DLG2: variants seen among roughly 807,000 people sequenced by gnomAD.
DLG2 encodes discs large MAGUK scaffold protein 2, also known as disks large homolog 2.
DLG2 carries 45 observed loss-of-function variants against 132.5 expected under a neutral mutation model. The observed-to-expected ratio is 0.34, with a 90% CI of 0.27 to 0.44. The LOEUF (loss-of-function observed/expected upper bound fraction) is 0.44. Among genes scored for constraint, DLG2 ranks in the 20% least tolerant of loss-of-function variants. The probability of loss-of-function intolerance (pLI) is 1.00; values close to 1 mark genes in which losing one functional copy is unlikely to be tolerated. For synonymous variants in DLG2, 424 were observed against 419.6 expected (o/e 1.01, Z -0.13); for missense variants, 1,045 against 1,196.9 (o/e 0.87, Z 1.87).
intron 6 of DLG2, among the ~76,000 whole-genome samples, chr11:84,881,055 G>A (rs1404130466): frequency 6.6e-6 from 1 of 151,964 alleles, no homozygotes; most frequent in Non-Finnish European, 1.5e-5. Context: ...TAAGACTGTA[G>A]CATATTGTAA....
intron 7 of DLG2, among the ~76,000 whole-genome samples, chr11:84,368,281 C>A (rs1746851236): frequency 1.3e-5 from 2 of 151,922 alleles, no homozygotes; most frequent in South Asian, 2.1e-4. Flanking sequence ...CTTATTTTAG[C>A]TTTTTTTTCC....
chr11:84,845,299 G>A (rs1759926965), intron 6 of DLG2, among the ~76,000 whole-genome samples: 1 of 152,008 alleles, frequency 6.6e-6, no homozygotes, highest in Non-Finnish European at 1.5e-5. Flanking sequence ...TTACTTCCTA[G>A]GATTATGAAT....
At chr11:83,837,743 A>G (rs998628988) in intron 16 of DLG2, among the ~76,000 whole-genome samples, 1 of 150,330 alleles carries the variant, frequency 6.7e-6, no homozygotes, top group Admixed American at 6.6e-5. Flanking sequence ...AAAAAAAAAA[A>G]AAAAGAAAAG....
At chr11:84,665,235 T>C (rs1013554309) in intron 6 of DLG2, among the ~76,000 whole-genome samples, 7 of 152,166 alleles carry the variant, frequency 4.6e-5, no homozygotes, top group Non-Finnish European at 7.4e-5. Context: ...TATAATAGTA[T>C]TGATGGAGCT....
intron 22 of DLG2, among the ~76,000 whole-genome samples, chr11:83,482,672 G>GA (rs1036249310): frequency 2.2e-4 from 33 of 150,820 alleles, no homozygotes; most frequent in East Asian, 9.7e-4. Flanking sequence ...CCGCAAGTCA[G>GA]AAAAAAAAAT....
intron 4 of DLG2, among the ~76,000 whole-genome samples, chr11:85,200,997 G>A (rs1055589432): frequency 1.3e-5 from 2 of 151,786 alleles, no homozygotes; most frequent in Admixed American, 6.6e-5. Context: ...GCTCCTCATG[G>A]CTAATGAGAA....
At position 84,976,824 on chromosome 11, in the gene DLG2, T is replaced by C. The variant is rs1044939833; in HGVS notation, c.357+134837A>G. On this transcript the variant is annotated intron_variant, in intron 6 of 27. Coordinates refer to ENST00000376104, the MANE Select transcript of DLG2 (RefSeq NM_001142699.3). Reference sequence around the variant, plus strand: ...TACTAACAGCAATACTCTTACAATTTTTCTATATTTTAATCGATTCTAAGG... The same window carrying C: ...TACTAACAGCAATACTCTTACAATTCTTCTATATTTTAATCGATTCTAAGG... Among the ~76,000 whole-genome samples, 5 of 152,150 alleles carry C rather than the reference T, an allele frequency of 3.3e-5. No homozygotes were observed. The East Asian group carries it at 9.6e-4, about 29-fold the overall frequency.
chr11:85,249,000 T>C (rs920787264), intron 4 of DLG2, among the ~76,000 whole-genome samples: 2 of 152,084 alleles, frequency 1.3e-5, no homozygotes, highest in Non-Finnish European at 2.9e-5. Context: ...AATCATTTGA[T>C]GGGGAGAGCA....
intron 22 of DLG2, among the ~76,000 whole-genome samples, chr11:83,477,558 A>G (rs1238320460): frequency 6.6e-6 from 1 of 152,256 alleles, no homozygotes. Flanking sequence ...GTGTAACTCC[A>G]GGATACAGTG....
At chr11:84,004,274 T>G (rs1374885780) in intron 11 of DLG2, among the ~76,000 whole-genome samples, 2 of 152,154 alleles carry the variant, frequency 1.3e-5, no homozygotes, top group Non-Finnish European at 2.9e-5. Context: ...GATGCAAGAA[T>G]GGTTTTACAT....
At position 84,294,992 on chromosome 11, in the gene DLG2, CA is replaced by C. The variant is rs1298525807; in HGVS notation, c.520-43702del. On this transcript the variant is annotated intron_variant, in intron 7 of 27. Coordinates refer to ENST00000376104, the MANE Select transcript of DLG2 (RefSeq NM_001142699.3). ...GAAAACTATATTGTTTTTACTTCAT[CA>C]TTAAACATATTAAATTTCCAGAAAA... is the stretch of plus-strand genomic sequence containing the variant. Among the ~76,000 whole-genome samples the C allele has an allele frequency of 2.0e-5, 3 of 152,154 alleles. No individual in the cohort carries two copies. The East Asian group carries it at 5.8e-4, about 29-fold the overall frequency.
chr11:84,950,132 C>A (rs1255678579), intron 6 of DLG2, among the ~76,000 whole-genome samples: 3 of 152,156 alleles, frequency 2.0e-5, no homozygotes, highest in African/African-American at 7.2e-5. Flanking sequence ...TTAGTTGAAT[C>A]TCAAATTAGA....
At chr11:85,025,548 C>T (rs2060443335) in intron 6 of DLG2, among the ~76,000 whole-genome samples, 1 of 152,160 alleles carries the variant, frequency 6.6e-6, no homozygotes. Flanking sequence ...ATATCATGTT[C>T]TTGTATAGGA....
chr11:83,637,282 T>G (rs2153470805), intron 18 of DLG2, among the ~76,000 whole-genome samples: 1 of 152,322 alleles, frequency 6.6e-6, no homozygotes, highest in African/African-American at 2.4e-5. Context: ...GGAACATTTT[T>G]CAGTCAAATT....
chr11:84,282,646 G>T (rs558958130), intron 7 of DLG2, among the ~76,000 whole-genome samples: 2 of 152,162 alleles, frequency 1.3e-5, no homozygotes, highest in African/African-American at 4.8e-5. Context: ...CTTGAAGAGG[G>T]GTTGGGGGAG....
intron 6 of DLG2, among the ~76,000 whole-genome samples, chr11:84,891,776 A>C (rs1264299667): frequency 6.6e-6 from 1 of 152,158 alleles, no homozygotes; most frequent in Non-Finnish European, 1.5e-5. Flanking sequence ...CTCAAAAGCC[A>C]TGTCTAAGCA....
chr11:84,871,066 A>G (rs2085394990), intron 6 of DLG2, among the ~76,000 whole-genome samples: 1 of 152,222 alleles, frequency 6.6e-6, no homozygotes, highest in Non-Finnish European at 1.5e-5. Context: ...TGGCTGGGAC[A>G]TGTTCTGTTT....
At chr11:84,916,983 T>C (rs569639853) in intron 6 of DLG2, among the ~76,000 whole-genome samples, 46 of 152,320 alleles carry the variant, frequency 3.0e-4, no homozygotes, top group African/African-American at 1.1e-3. Context: ...TATCTAAAAC[T>C]CTAAACCAAC....
At chr11:85,569,512 T>C (rs181548177) in intron 3 of DLG2, among the ~76,000 whole-genome samples, 1 of 152,342 alleles carries the variant, frequency 6.6e-6, no homozygotes, top group Non-Finnish European at 1.5e-5. Flanking sequence ...AATTTCAACA[T>C]ATTTGTGATT....
Sources: gnomAD v4.1 joint callset for allele counts (sites outside exome capture counted in the v4.1 genomes callset) on GRCh38, gnomAD v4.1.1 for gene constraint, MANE v1.5 for transcripts, NCBI Gene and HGNC (gene_info 2026-07-23, HGNC 2026-07-21) for gene names.